ADCY7: variants seen among roughly 807,000 people sequenced by gnomAD.
The protein encoded by ADCY7 is adenylate cyclase type 7.
Under a neutral mutation model 120.6 loss-of-function variants are expected in ADCY7, and 72 were observed. That is an observed-to-expected ratio of 0.60 (90% CI 0.49 to 0.73). The LOEUF (loss-of-function observed/expected upper bound fraction) is 0.73, where lower values mean the gene tolerates loss of function less well. ADCY7 is among the 30% of genes least tolerant of loss of function. ADCY7 has a pLI of 0.00. For synonymous variants in ADCY7, 661 were observed against 628.0 expected, an observed-to-expected ratio of 1.05 and a Z score of -0.78; for missense variants, 1,227 against 1,486.0, an observed-to-expected ratio of 0.83 and a Z score of 2.87.
chr16:50,310,588 G>T, intron 18 of ADCY7, 99 bp from the exon 19 acceptor site: 1 of 1,590,744 alleles, frequency 6.3e-7, no homozygotes. Flanking sequence ...AGAGCGTGAT[G>T]CTGAGGTGCA....
intron 1 of ADCY7, among the ~76,000 whole-genome samples, chr16:50,286,622 C>T (rs1411072363): frequency 6.6e-6 from 1 of 152,036 alleles, no homozygotes; most frequent in East Asian, 1.9e-4. Context: ...TTGGAACCCT[C>T]TGTGCCTGGA....
intron 7 of ADCY7, among the ~76,000 whole-genome samples, chr16:50,296,651 T>C (rs1173337418): frequency 2.0e-5 from 3 of 152,070 alleles, no homozygotes; most frequent in Non-Finnish European, 4.4e-5. Flanking sequence ...CCACTGCGCC[T>C]GGCCAGAATT....
At chr16:50,290,824 G>T (rs2034903083) in intron 3 of ADCY7, among the ~76,000 whole-genome samples, 164 bp downstream of exon 3, 1 of 152,356 alleles carries the variant, frequency 6.6e-6, no homozygotes, top group African/African-American at 2.4e-5. Context: ...ACAGGGCTGA[G>T]GTGGGGAGAG....
At chr16:50,314,547 AATT>A (rs1414686417) in intron 24 of ADCY7, 141 bp downstream of exon 24, 23 of 622,878 alleles carry the variant, frequency 3.7e-5, no homozygotes, top group Non-Finnish European at 6.2e-5. Flanking sequence ...GCAGTTGGAC[AATT>A]ATTCTGATGT....
chr16:50,314,159 G>T lies in ADCY7; in HGVS notation c.2856+97G>T. ...GGTGTGCCCTTATCTCGTCCTGGGG[G>T]AGGGGCACAGGTACTTGTAGGGCTC... On this transcript the variant is annotated intron_variant, in intron 23 of 25. Transcript: ENST00000673801. The T allele has an allele frequency of 2.8e-6, 4 of 1,417,660 alleles. No individual in the cohort carries two copies. The South Asian group carries it at 4.8e-5, about 17-fold the overall frequency. The allele number at this position is 1,417,660 out of a possible 1,614,324, so 87.8% of individuals were successfully genotyped here.
intron 7 of ADCY7, among the ~76,000 whole-genome samples, chr16:50,296,029 C>T (rs904867443): frequency 1.3e-5 from 2 of 152,174 alleles, no homozygotes; most frequent in Non-Finnish European, 2.9e-5. Context: ...AACACCAGTG[C>T]CCATGTCCAC....
intron 1 of ADCY7, among the ~76,000 whole-genome samples, chr16:50,283,493 G>A (rs1229954006): frequency 2.0e-5 from 3 of 152,258 alleles, no homozygotes; most frequent in Non-Finnish European, 4.4e-5. Flanking sequence ...TGGCATTAGG[G>A]CTTGAGAGGG....
intron 7 of ADCY7, among the ~76,000 whole-genome samples, chr16:50,296,674 G>A (rs778137394): frequency 1.3e-5 from 2 of 152,068 alleles, no homozygotes; most frequent in Non-Finnish European, 2.9e-5. Context: ...TAAGAGCCCC[G>A]CAGGTGTCTC....
rs1697520586 is a variant in ADCY7, at chr16:50,298,906, C to T, written c.951C>T (p.Ala317=). The change falls in exon 8 of 26, where the codon GCC becomes GCT. Residue 317 remains alanine, a splice_region_variant and synonymous_variant. Transcript: ENST00000673801. ...CAGGCCCTTCCCTCACCCTGCAGGC[C>T]AACGAGTGCATGCGAATCAAGATCC... is the stretch of plus-strand genomic sequence containing the variant. ...LFGKFDQIAK[A]NECMRIKILG... is the part of the protein sequence containing the mutation. 13 of 1,613,294 alleles carry T rather than the reference C, an allele frequency of 8.1e-6. No homozygotes were observed. The highest frequency in any genetic ancestry group is 1.1e-5 in the Non-Finnish European group (13 of 1,179,502).
At position 50,290,608 on chromosome 16, in the gene ADCY7, G is replaced by A. The variant is rs201046405; in HGVS notation, c.323G>A (p.Gly108Asp). 12 of 1,614,172 alleles carry A rather than the reference G, an allele frequency of 7.4e-6. No individual in the cohort carries two copies. Among genetic ancestry groups the A allele is most frequent in the Non-Finnish European group, 9.3e-6 (11 of 1,180,026 alleles). Residue 108 changes from glycine (G) to aspartate (D), a missense_variant, in exon 3 of 26, where the codon GGC (glycine) becomes GAC (aspartate). Gly to Asp is a moderately conservative substitution (Grantham distance 94). This residue lies in a region of ADCY7 where 382 missense variants were observed against 411.4 expected (regional missense o/e 0.93). Transcript: ENST00000673801. ...ACCTGGGCCTGCTTGGTGGCGCTGG[G>A]CTATGTGCTGGTGTTCGACGCATGG... ...LLTWACLVALGYVLVFDAWTK... is the reference protein window; with the variant it reads ...LLTWACLVALDYVLVFDAWTK...
Position 50,301,134 on chromosome 16 carries a change from G to A in ADCY7, c.1288G>A (p.Val430Met), listed in dbSNP as rs1394741250. ...AAAGCACCTGGACAAGGCGTACGAG[G>A]TGGAGGATGGGCACGGGCAGCAGCG... ...TLKHLDKAYE[V>M]EDGHGQQRDP... Residue 430 changes from valine to methionine, a missense_variant, in exon 10 of 26, where the codon GTG becomes ATG. Physicochemically the swap from Val to Met is conservative, Grantham distance 21. Coordinates refer to ENST00000673801, the MANE Select transcript of ADCY7 (RefSeq NM_001114.5). 6 of 1,614,014 alleles carry A rather than the reference G, an allele frequency of 3.7e-6. No individual in the cohort carries two copies. The highest frequency in any genetic ancestry group is 1.1e-5 in the South Asian group (1 of 91,082).
intron 1 of ADCY7, among the ~76,000 whole-genome samples, chr16:50,286,138 A>C (rs960693983): frequency 6.6e-6 from 1 of 151,838 alleles, no homozygotes; most frequent in Non-Finnish European, 1.5e-5. Context: ...CAGTGCCTGA[A>C]AGCTTAACAC....
rs764960986 is a variant in ADCY7 at position 50,291,879 on chromosome 16, T to C, written c.519T>C (p.Ser173=). ...TGATGGGAGGCTTCACGACACCCAG[T>C]GTCCGGGTGGGGCTGCAGGTGAGGG... ...GSLMGGFTTP[S]VRVGLQLLAN... is the part of the protein sequence containing the mutation. The change falls in exon 4 of 26, where the codon AGT becomes AGC. Residue 173 remains serine (S), a synonymous_variant. Transcript: ENST00000673801. 5.0e-6 allele frequency: 8 copies of C among 1,612,406 alleles called. No homozygotes were observed. The highest frequency in any genetic ancestry group is 6.8e-6 in the Non-Finnish European group (8 of 1,179,046).
At chr16:50,252,501 T>A (rs1343659208) in intron 1 of ADCY7, among the ~76,000 whole-genome samples, 1 of 152,182 alleles carries the variant, frequency 6.6e-6, no homozygotes, top group African/African-American at 2.4e-5. Context: ...ATTGTTTGTG[T>A]GCCTGGGTAG....
At chr16:50,251,542 G>A (rs969291711) in intron 1 of ADCY7, among the ~76,000 whole-genome samples, 2 of 152,254 alleles carry the variant, frequency 1.3e-5, no homozygotes, top group South Asian at 2.1e-4. Context: ...GACTGCAGAA[G>A]TGCTTAAAGT....
intron 1 of ADCY7, among the ~76,000 whole-genome samples, chr16:50,256,294 T>C (rs1567527774): frequency 6.6e-6 from 1 of 152,156 alleles, no homozygotes; most frequent in East Asian, 1.9e-4. Flanking sequence ...AAAGAACCCA[T>C]GCAAATGACC....
intron 1 of ADCY7, among the ~76,000 whole-genome samples, chr16:50,258,697 A>G (rs1385963198): frequency 6.6e-6 from 1 of 151,496 alleles, no homozygotes; most frequent in Non-Finnish European, 1.5e-5. Flanking sequence ...GGCTCAAGCA[A>G]TCCTCCTATC....
At chr16:50,311,152 A>G (rs62029962) in intron 19 of ADCY7, among the ~76,000 whole-genome samples, 41,891 of 152,090 alleles carry the variant, frequency 0.28, 6,611 homozygotes, top group African/African-American at 0.43. Context: ...GTGCCTCTCA[A>G]GGCCACATCC....
intron 1 of ADCY7, among the ~76,000 whole-genome samples, chr16:50,267,173 C>G (rs2033268534): frequency 6.6e-6 from 1 of 152,240 alleles, no homozygotes; most frequent in Non-Finnish European, 1.5e-5. Flanking sequence ...AACCAAGATG[C>G]CTCCAAAAAG....
Sources: gnomAD v4.1 joint callset for allele counts (sites outside exome capture counted in the v4.1 genomes callset) on GRCh38, gnomAD v4.1.1 for gene constraint, gnomAD v4.1.1 regional missense constraint, MANE v1.5 for transcripts, NCBI Gene and HGNC (gene_info 2026-07-23, HGNC 2026-07-21) for gene names.